The following LMNTD1 variants were observed in gnomAD, a reference collection of about 807,000 sequenced individuals.
LMNTD1 encodes the protein lamin tail domain containing 1, also known as lamin tail domain-containing protein 1.
In LMNTD1, 35 loss-of-function variants were observed where a neutral mutation model predicts 50.9. The ratio of observed to expected loss-of-function variants is 0.69; its 90% confidence interval spans 0.53 to 0.91. The LOEUF is 0.91. Among genes scored for constraint, LMNTD1 ranks in the 40% least tolerant of loss-of-function variants. The pLI, the probability that LMNTD1 is intolerant of heterozygous loss-of-function variation, is 0.00. For synonymous variants in LMNTD1, 153 were observed against 161.9 expected, an observed-to-expected ratio of 0.94 and a Z score of 0.42; for missense variants, 470 against 475.5, an observed-to-expected ratio of 0.99 and a Z score of 0.11.
rs558868748 is a variant in LMNTD1 at position 25,576,094 on chromosome 12, C to T, written c.59-29540G>A. Among the ~76,000 whole-genome samples, 507 of 152,228 alleles carry T rather than the reference C, an allele frequency of 3.3e-3. 2 individuals are homozygous for T. Among genetic ancestry groups the T allele is most frequent in the Admixed American group, 9.7e-3 (148 of 15,286 alleles). On this transcript the variant is annotated intron_variant, in intron 1 of 7. Transcript: ENST00000445693. The stretch of plus-strand genomic sequence containing the variant: ...TTTTCTTAATCCAGTCTATCATTGA[C>T]GGACATTTGGGTTGGTTCCAAGTCT...
At chr12:25,487,730 C>T (rs1312727802) in intron 9 of LMNTD1, among the ~76,000 whole-genome samples, 5 of 122,420 alleles carry the variant, frequency 4.1e-5, no homozygotes, top group Non-Finnish European at 8.3e-5. Flanking sequence ...TTCCTAGTCT[C>T]GATGGTCTTT....
intron 7 of LMNTD1, among the ~76,000 whole-genome samples, chr12:25,519,556 C>T (rs573388082): frequency 7.7e-6 from 1 of 129,190 alleles, no homozygotes; most frequent in African/African-American, 2.9e-5. Context: ...CCACTGCACT[C>T]CAGCCTGGGT....
In LMNTD1 at chr12:25,601,092, A is replaced by G. The variant is rs118076846; in HGVS notation, c.58+47402T>C. Among the ~76,000 whole-genome samples the G allele has an allele frequency of 6.4e-3, 975 of 152,084 alleles. 3 individuals are homozygous for G. The highest frequency in any genetic ancestry group is 0.01 in the Non-Finnish European group (682 of 67,894). ...GAATGGACAAAGAAAATGTGGTACT[A>G]TACATAGTGGAGTACTACTCAGCCA... On this transcript the variant is annotated intron_variant, in intron 1 of 7. Transcript: ENST00000445693.
intron 8 of LMNTD1, among the ~76,000 whole-genome samples, chr12:25,515,446 AAT>A (rs200671181): frequency 0.012 from 1,818 of 152,020 alleles, 39 homozygotes; most frequent in African/African-American, 0.041. Context: ...AATTATTTTA[AAT>A]ATATATATAT....
At chr12:25,554,762 A>G (rs1034209390), upstream of LMNTD1, among the ~76,000 whole-genome samples, 3 of 152,168 alleles carry the variant, frequency 2.0e-5, no homozygotes, top group Non-Finnish European at 4.4e-5. Context: ...ATGCAGGTGA[A>G]AAATAGATTA....
chr12:25,508,525 A>G (rs1939998754), intron 8 of LMNTD1, among the ~76,000 whole-genome samples: 1 of 152,208 alleles, frequency 6.6e-6, no homozygotes, highest in African/African-American at 2.4e-5. Context: ...CCATTAAATA[A>G]TTGATGAACA....
chr12:25,500,616 T>C (rs910570960), intron 9 of LMNTD1, among the ~76,000 whole-genome samples: 2 of 152,204 alleles, frequency 1.3e-5, no homozygotes, highest in Non-Finnish European at 2.9e-5. Context: ...GTTCTGGTGA[T>C]CTGTAACAAG....
chr12:25,582,399 T>C (rs80064067), intron 1 of LMNTD1: 1 of 152,346 alleles, frequency 6.6e-6, no homozygotes, highest in African/African-American at 2.4e-5. Flanking sequence ...AATCGGTAAA[T>C]TGCATACAAA....
chr12:25,559,415 T>C (rs559006882), intron 1 of LMNTD1, among the ~76,000 whole-genome samples: 2 of 152,210 alleles, frequency 1.3e-5, no homozygotes, highest in Non-Finnish European at 2.9e-5. Flanking sequence ...ATGGTGTATA[T>C]GTGACACATT....
At chr12:25,540,634 A>C (rs1281678978) in intron 4 of LMNTD1, among the ~76,000 whole-genome samples, 1,996 of 140,310 alleles carry the variant, frequency 0.014, 39 homozygotes, top group African/African-American at 0.033. Context: ...GAATGGGCAA[A>C]AACTGGAAGC....
At chr12:25,592,979 A>T (rs1404194622) in intron 1 of LMNTD1, 3 of 152,114 alleles carry the variant, frequency 2.0e-5, no homozygotes, top group Admixed American at 2.0e-4. Flanking sequence ...CCTGCATGAC[A>T]TAGTAAAGGC....
At chr12:25,484,653 C>T (rs12303766) in intron 9 of LMNTD1, among the ~76,000 whole-genome samples, 3 of 114,284 alleles carry the variant, frequency 2.6e-5, no homozygotes, top group Admixed American at 9.9e-5. Flanking sequence ...ATCCCTCCCC[C>T]CTCCCCCCAC....
intron 1 of LMNTD1, among the ~76,000 whole-genome samples, chr12:25,629,059 G>T (rs1476554925): frequency 2.0e-5 from 3 of 151,674 alleles, no homozygotes; most frequent in Admixed American, 2.0e-4. Flanking sequence ...TGTCTGGAAG[G>T]TATCCTAATA....
intron 1 of LMNTD1, among the ~76,000 whole-genome samples, chr12:25,601,840 TTGG>T (rs1282232154): frequency 6.6e-6 from 1 of 151,948 alleles, no homozygotes; most frequent in African/African-American, 2.4e-5. Flanking sequence ...GGGGGTACAT[TTGG>T]TATTTTGATA....
At chr12:25,554,638 G>C (rs1371568048), upstream of LMNTD1, among the ~76,000 whole-genome samples, 1 of 152,210 alleles carries the variant, frequency 6.6e-6, no homozygotes, top group Non-Finnish European at 1.5e-5. Flanking sequence ...TTCGGGTCGG[G>C]TATTAGTGGC....
chr12:25,582,190 A>C (rs891155928), intron 1 of LMNTD1, among the ~76,000 whole-genome samples: 2 of 152,176 alleles, frequency 1.3e-5, no homozygotes, highest in Non-Finnish European at 2.9e-5. Flanking sequence ...ATTACAGGCA[A>C]GATCTTGCTG....
chr12:25,501,188 A>G (rs1045968654), intron 9 of LMNTD1, among the ~76,000 whole-genome samples: 2 of 151,932 alleles, frequency 1.3e-5, no homozygotes, highest in African/African-American at 2.4e-5. Flanking sequence ...TGGGGTTTCA[A>G]CCATGCTGAC....
intron 1 of LMNTD1, among the ~76,000 whole-genome samples, chr12:25,600,699 G>A (rs1442760670): frequency 6.6e-6 from 1 of 152,066 alleles, no homozygotes; most frequent in East Asian, 1.9e-4. Flanking sequence ...ATGAAAAGGT[G>A]CTCAACATCA....
At chr12:25,556,602 T>A (rs150921321), upstream of LMNTD1, among the ~76,000 whole-genome samples, 138 of 152,320 alleles carry the variant, frequency 9.1e-4, no homozygotes, top group African/African-American at 3.1e-3. Context: ...CTTGGCACTC[T>A]GTCAATTCTC....
Sources: gnomAD v4.1 joint callset for allele counts (sites outside exome capture counted in the v4.1 genomes callset) on GRCh38, gnomAD v4.1.1 for gene constraint, MANE v1.5 for transcripts, NCBI Gene and HGNC (gene_info 2026-07-23, HGNC 2026-07-21) for gene names.